Variants in PCYT1B observed in about 807,000 individuals in gnomAD.
The protein encoded by PCYT1B is choline-phosphate cytidylyltransferase B.
In PCYT1B, 10 loss-of-function variants were observed where a neutral mutation model predicts 26.4. The observed-to-expected ratio is 0.38, with a 90% CI of 0.23 to 0.64. The LOEUF is 0.64. PCYT1B is among the 30% of genes least tolerant of loss of function. The probability of loss-of-function intolerance (pLI) is 0.56; values close to 1 mark genes in which losing one functional copy is unlikely to be tolerated. For missense variants in PCYT1B, 161 were observed against 292.7 expected, an observed-to-expected ratio of 0.55 and a Z score of 3.28; for synonymous variants, 131 against 108.4, an observed-to-expected ratio of 1.21 and a Z score of -1.29.
upstream of PCYT1B, among the ~76,000 whole-genome samples, chrX:24,649,498 C>T (rs755792268): frequency 4.5e-5 from 5 of 111,699 alleles, no homozygotes; most frequent in Non-Finnish European, 1.9e-5. Context: ...CTTAGAGTCA[C>T]TGTTCACATT....
At chrX:24,670,089 A>G (rs1312193612) in intron 1 of PCYT1B, among the ~76,000 whole-genome samples, 2 of 91,177 alleles carry the variant, frequency 2.2e-5, no homozygotes, top group Non-Finnish European at 4.3e-5. Context: ...AGAAAGAAAG[A>G]AAGAAAGAAA....
intron 3 of PCYT1B, among the ~76,000 whole-genome samples, chrX:24,591,242 C>A (rs1167031543): frequency 9.0e-6 from 1 of 111,470 alleles, no homozygotes; most frequent in Non-Finnish European, 1.9e-5. Context: ...ACTATCCTAT[C>A]TTTTGGTTGG....
At chrX:24,650,970 C>T (rs1215512624), upstream of PCYT1B, among the ~76,000 whole-genome samples, 2 of 111,583 alleles carry the variant, frequency 1.8e-5, no homozygotes, top group South Asian at 3.8e-4. Flanking sequence ...GTTATGGGCA[C>T]GTGTTAGCAT....
chrX:24,623,947 C>T (rs1355865001), intron 1 of PCYT1B, among the ~76,000 whole-genome samples: 2 of 101,836 alleles, frequency 2.0e-5, no homozygotes, highest in Non-Finnish European at 4.0e-5. Flanking sequence ...TGCAGAGTTG[C>T]TTGTTTAAGC....
At chrX:24,645,201 A>G (rs895727589) in intron 1 of PCYT1B, among the ~76,000 whole-genome samples, 3 of 111,662 alleles carry the variant, frequency 2.7e-5, no homozygotes, top group Non-Finnish European at 5.6e-5. Flanking sequence ...AAGAGACTGA[A>G]ATGATGCACA....
intron 1 of PCYT1B, among the ~76,000 whole-genome samples, chrX:24,645,925 G>T (rs1407067545): frequency 8.9e-6 from 1 of 111,733 alleles, no homozygotes; most frequent in East Asian, 2.8e-4. Context: ...CTTCTCATCT[G>T]CGAGCCCTAA....
At chrX:24,585,079 T>C (rs1196767810) in intron 5 of PCYT1B, among the ~76,000 whole-genome samples, 1 of 111,229 alleles carries the variant, frequency 9.0e-6, no homozygotes, top group African/African-American at 3.3e-5. Context: ...TTTTCTGCTC[T>C]CCAGGAAGAA....
At chrX:24,670,821 G>T (rs1279518087) in intron 1 of PCYT1B, among the ~76,000 whole-genome samples, 1 of 111,341 alleles carries the variant, frequency 9.0e-6, no homozygotes, top group East Asian at 2.8e-4. Flanking sequence ...ATACATTTGG[G>T]AGACCATGAA....
At chrX:24,631,213 C>T (rs1168909009) in intron 1 of PCYT1B, among the ~76,000 whole-genome samples, 2 of 111,977 alleles carry the variant, frequency 1.8e-5, no homozygotes, top group African/African-American at 3.2e-5. Flanking sequence ...TGAGCCACCG[C>T]GCCTAGCCAG....
intron 6 of PCYT1B, among the ~76,000 whole-genome samples, chrX:24,578,639 TG>T (rs1030107478): frequency 8.9e-6 from 1 of 112,212 alleles, no homozygotes; most frequent in African/African-American, 3.2e-5. Context: ...AATGAGCATC[TG>T]TAAGGCCTTA....
chrX:24,580,019 A>G (rs1924157195), intron 5 of PCYT1B, among the ~76,000 whole-genome samples: 1 of 112,161 alleles, frequency 8.9e-6, no homozygotes, highest in African/African-American at 3.2e-5. Flanking sequence ...TACAAAAAAT[A>G]CAAAAGTTAG....
At chrX:24,637,509 T>TATATATAAAA (rs779316769) in intron 1 of PCYT1B, among the ~76,000 whole-genome samples, 6 of 64,062 alleles carry the variant, frequency 9.4e-5, no homozygotes, top group Non-Finnish European at 1.5e-4. Flanking sequence ...TATATATATA[T>TATATATAAAA]ATAAATTAGC....
At chrX:24,607,304 A>G (rs944558790) in intron 3 of PCYT1B, among the ~76,000 whole-genome samples, 2 of 112,607 alleles carry the variant, frequency 1.8e-5, no homozygotes, top group African/African-American at 6.4e-5. Context: ...ACATTGTCTT[A>G]AGTGCTGCAG....
chrX:24,669,501 G>GAAAAAAAAA (rs60562762), intron 1 of PCYT1B, among the ~76,000 whole-genome samples: 1 of 31,550 alleles, frequency 3.2e-5, no homozygotes, highest in Non-Finnish European at 5.1e-5. Flanking sequence ...CTTCGTCTCA[G>GAAAAAAAAA]AAAAAAAAAA....
At chrX:24,670,974 T>G (rs1041265334) in intron 1 of PCYT1B, among the ~76,000 whole-genome samples, 1 of 110,388 alleles carries the variant, frequency 9.1e-6, no homozygotes, top group Admixed American at 9.7e-5. Flanking sequence ...CTGAATCTAG[T>G]TGTTTTTTTT....
chrX:24,612,448 C>T, intron 2 of PCYT1B, among the ~76,000 whole-genome samples: 1 of 111,740 alleles, frequency 8.9e-6, no homozygotes, highest in East Asian at 2.8e-4. Flanking sequence ...ATGAACAACC[C>T]ACCACCCAGT....
intron 1 of PCYT1B, among the ~76,000 whole-genome samples, chrX:24,634,308 G>A (rs1264959448): frequency 8.9e-6 from 1 of 111,938 alleles, no homozygotes; most frequent in African/African-American, 3.3e-5. Flanking sequence ...TGAAAGTTGG[G>A]TGGCCTGCAT....
Position 24,590,048 on chromosome X carries a change from G to A in PCYT1B, c.461C>T (p.Thr154Met), listed in dbSNP as rs1247167809. Reference sequence around the variant, plus strand: ...CTTGTGTTTTTCCAGAAACTCTGGCGTGAGTGTCCAGGGAGCATCTCTGAT... The same window carrying A: ...CTTGTGTTTTTCCAGAAACTCTGGCATGAGTGTCCAGGGAGCATCTCTGAT... ...EVIRDAPWTL[T>M]PEFLEKHKID... is the part of the protein sequence containing the mutation. Residue 154 changes from threonine to methionine, a missense_variant, in exon 4 of 8, where the codon ACG (threonine) becomes ATG (methionine). Around this residue, in one of 4 missense-constraint regions of PCYT1B, gnomAD observed 65 missense variants for 145.0 expected, o/e 0.45. Coordinates refer to ENST00000379144, the MANE Select transcript of PCYT1B (RefSeq NM_004845.5). 3 of 1,203,825 alleles carry A rather than the reference G, an allele frequency of 2.5e-6. No homozygotes were observed. The highest frequency in any genetic ancestry group is 2.2e-6 in the Non-Finnish European group (2 of 890,789).
chrX:24,593,441 C>CTTTCTTTTCTTTTCTTTTCTTTTCT, intron 3 of PCYT1B, among the ~76,000 whole-genome samples: 1 of 56,758 alleles, frequency 1.8e-5, no homozygotes, highest in East Asian at 5.0e-4. Context: ...TCCTTTCTTT[C>CTTTCTTTTCTTTTCTTTTCTTTTCT]TTTCTTTTCT....
Sources: allele counts gnomAD v4.1 joint callset (sites outside exome capture counted in the v4.1 genomes callset), GRCh38; gene constraint gnomAD v4.1.1; regional missense constraint gnomAD v4.1.1; transcripts MANE v1.5; gene names NCBI Gene and HGNC (gene_info 2026-07-23, HGNC 2026-07-21).